The following EXOSC9 variants were observed in gnomAD, a reference collection of about 807,000 sequenced individuals.
EXOSC9 encodes the protein exosome complex component RRP45.
In EXOSC9, 38 loss-of-function variants were observed where a neutral mutation model predicts 56.5. The ratio of observed to expected loss-of-function variants is 0.67; its 90% CI spans 0.52 to 0.88. The LOEUF (loss-of-function observed/expected upper bound fraction) is 0.88. Ranked by LOEUF, EXOSC9 falls within the 40% of genes least tolerant of loss-of-function variation. The pLI, the probability that EXOSC9 is intolerant of heterozygous loss-of-function variation, is 0.00. For missense variants in EXOSC9, 559 were observed against 530.5 expected, an observed-to-expected ratio of 1.05 and a Z score of -0.53; for synonymous variants, 170 against 170.8, an observed-to-expected ratio of 0.99 and a Z score of 0.04.
chr4:121,810,913 G>T (rs1727193099), intron 7 of EXOSC9, among the ~76,000 whole-genome samples: 1 of 152,068 alleles, frequency 6.6e-6, no homozygotes, highest in Non-Finnish European at 1.5e-5. Flanking sequence ...TATGTAAAAA[G>T]ATAGTTTTAC....
chr4:121,815,509 C>T, intron 10 of EXOSC9: 1 of 983,828 alleles, frequency 1.0e-6, no homozygotes, highest in Non-Finnish European at 1.2e-6. Flanking sequence ...GGTTAATTCA[C>T]ATTTTATGTA....
chr4:121,801,489 AG>A lies in EXOSC9; in HGVS notation c.66+1del. The A allele has an allele frequency of 6.2e-7, 1 of 1,614,198 alleles. No homozygotes were observed. Among genetic ancestry groups the A allele is most frequent in the South Asian group, 1.1e-5 (1 of 91,090 alleles). On this transcript the variant is annotated frameshift_variant and splice_region_variant, in exon 1 of 12. Coordinates refer to ENST00000243498, the MANE Select transcript of EXOSC9 (RefSeq NM_005033.3). LOFTEE classifies it high-confidence loss of function. ...CTACTCCGTGCCATCGAAGAGAAGA[AG>A]GTATGGTTTGGTGCCCGCAGAATTG... The part of the protein sequence containing the change: ...RFLLRAIEEK[K>X]RLDGRQTYDY...
rs181711033 is a variant in EXOSC9 at position 121,804,936 on chromosome 4, G to C, written c.522+177G>C. Among the ~76,000 whole-genome samples, 3 of 152,180 alleles carry C rather than the reference G, an allele frequency of 2.0e-5. No individual in the cohort carries two copies. In the South Asian group the frequency reaches 6.2e-4, roughly 31 times the overall value. On this transcript the variant is annotated intron_variant, in intron 5 of 11. Coordinates refer to ENST00000243498, the MANE Select transcript of EXOSC9 (RefSeq NM_005033.3). ...AAATTGCCCTGGAAATCTCTTAACC[G>C]TTCCTCTGTTGAAACATTTGTCAGT...
At chr4:121,814,068 C>T in intron 10 of EXOSC9, 21 bp downstream of exon 10, 18 of 1,278,582 alleles carry the variant, frequency 1.4e-5, no homozygotes, top group Non-Finnish European at 1.7e-5. Context: ...CTTTATGGCA[C>T]ACTTACTATA....
chr4:121,814,016 T>C lies in EXOSC9; in HGVS notation c.1125T>C (p.Thr375=). ...AIILDGIKMD[T]GVEVSDIGSQ... ...TTCTTGATGGTATAAAAATGGACAC[T>C]GGAGTAGAAGTCTCTGATATTGGAA... Residue 375 remains threonine, a synonymous_variant, in exon 10 of 12, where the codon ACT becomes ACC. Transcript: ENST00000243498. 1 of 1,613,566 alleles carries C rather than the reference T, an allele frequency of 6.2e-7. No homozygotes were observed. The highest frequency in any genetic ancestry group is 8.5e-7 in the Non-Finnish European group (1 of 1,179,662).
Position 121,804,778 on chromosome 4 carries a change from C to T in EXOSC9, c.522+19C>T, listed in dbSNP as rs369656640. ...AACACTGGTAAGCTCCTATGTGAAC[C>T]AGGATCCTTGATATGAATGAATGAG... On this transcript the variant is annotated intron_variant, in intron 5 of 11. Coordinates refer to ENST00000243498, the MANE Select transcript of EXOSC9 (RefSeq NM_005033.3). 16 of 1,560,596 alleles carry T rather than the reference C, an allele frequency of 1.0e-5. No homozygotes were observed. Among genetic ancestry groups the T allele is most frequent in the African/African-American group, 1.4e-5 (1 of 73,786 alleles).
rs1364652447 is a variant in EXOSC9, at chr4:121,801,503, G to T, written c.66+13G>T. The T allele has an allele frequency of 6.2e-7, 1 of 1,613,742 alleles. No homozygotes were observed. The highest frequency in any genetic ancestry group is 8.5e-7 in the Non-Finnish European group (1 of 1,179,714). ...CGAAGAGAAGAAGGTATGGTTTGGT[G>T]CCCGCAGAATTGCGCGCTGCGTGGG... On this transcript the variant is annotated intron_variant, in intron 1 of 11. Transcript: ENST00000243498.
At chr4:121,810,382 A>T (rs78954333) in intron 7 of EXOSC9, among the ~76,000 whole-genome samples, 2 of 7,320 alleles carry the variant, frequency 2.7e-4, no homozygotes, top group Non-Finnish European at 4.1e-4. Flanking sequence ...ATCCCTATTA[A>T]AAAAAAAAAA....
chr4:121,813,648 CTT>C lies in EXOSC9; in HGVS notation c.975-217_975-216del. 7 of 533,234 alleles carry C rather than the reference CTT, an allele frequency of 1.3e-5. No individual in the cohort carries two copies. The South Asian group carries it at 2.2e-4, about 17-fold the overall frequency. The allele number at this position is 533,234 out of a possible 1,614,324, so 33.0% of individuals were successfully genotyped here. The stretch of plus-strand genomic sequence containing the variant: ...ACTAAAATGTTGAGAGAATCTGTCT[CTT>C]CACATTTCTTATTAATTGCATCCAT... On this transcript the variant is annotated intron_variant, in intron 9 of 11. Transcript: ENST00000243498.
chr4:121,808,275 G>T (rs1412232352), intron 6 of EXOSC9, among the ~76,000 whole-genome samples: 2 of 152,166 alleles, frequency 1.3e-5, no homozygotes, highest in Non-Finnish European at 2.9e-5. Flanking sequence ...AAGTTTTAGT[G>T]ATTGTAAGTG....
Position 121,801,447 on chromosome 4 carries a change from A to G in EXOSC9, c.23A>G (p.Asn8Ser). The G allele has an allele frequency of 1.9e-6, 3 of 1,614,150 alleles. No homozygotes were observed. Among genetic ancestry groups the G allele is most frequent in the Non-Finnish European group, 2.5e-6 (3 of 1,180,002 alleles). Residue 8 changes from asparagine to serine, a missense_variant, in exon 1 of 12, where the codon AAC (asparagine) becomes AGC (serine). Physicochemically the swap from Asn to Ser is conservative, Grantham distance 46 (BLOSUM62 1). Coordinates refer to ENST00000243498, the MANE Select transcript of EXOSC9 (RefSeq NM_005033.3). Reference protein sequence around the residue: MKETPLSNCERRFLLRAI... With the variant: MKETPLSSCERRFLLRAI... ...ACCATGAAGGAAACGCCACTCTCAAACTGCGAACGCCGCTTCCTACTCCGT... is the reference window on the plus strand; with the variant it reads ...ACCATGAAGGAAACGCCACTCTCAAGCTGCGAACGCCGCTTCCTACTCCGT...
Position 121,816,192 on chromosome 4 carries a change from CA to C in EXOSC9, c.1157-176del, listed in dbSNP as rs1453864069. The C allele has an allele frequency of 2.0e-5, 13 of 644,608 alleles. No homozygotes were observed. In the African/African-American group the frequency reaches 2.4e-4, roughly 12 times the overall value. The allele number at this position is 644,608 out of a possible 1,614,324, so 39.9% of individuals were successfully genotyped here. On this transcript the variant is annotated intron_variant, in intron 10 of 11. Transcript: ENST00000243498. ...CAGACTGGACTCGAGTTCCTGACCTCAGGTAATCCACCTGCCTCAGCCTACC... is the reference window on the plus strand; with the variant it reads ...CAGACTGGACTCGAGTTCCTGACCTCGGTAATCCACCTGCCTCAGCCTACC...
rs184115873 is a variant in EXOSC9 at position 121,802,866 on chromosome 4, C to T, written c.282-49C>T. The T allele has an allele frequency of 2.1e-4, 346 of 1,609,484 alleles. No individual in the cohort carries two copies. In the African/African-American group the frequency reaches 3.8e-3, roughly 18 times the overall value. ...CAGCAGTGAGCTTTTGTTTTAATACCTGGTGTTATATTTCATGACATTAGC... is the reference window on the plus strand; with the variant it reads ...CAGCAGTGAGCTTTTGTTTTAATACTTGGTGTTATATTTCATGACATTAGC... On this transcript the variant is annotated intron_variant, in intron 3 of 11. Transcript: ENST00000243498.
Position 121,801,850 on chromosome 4 carries a change from T to C in EXOSC9, c.90T>C (p.Tyr30=), listed in dbSNP as rs1726876718. Residue 30 remains tyrosine, a synonymous_variant, in exon 2 of 12, where the codon TAT becomes TAC. Coordinates refer to ENST00000243498, the MANE Select transcript of EXOSC9 (RefSeq NM_005033.3). The part of the protein sequence containing the change: ...EKKRLDGRQT[Y]DYRNIRISFG... ...AGCGGCTGGATGGCAGACAAACCTA[T>C]GATTATAGGAACATCAGGATCTCAT... 3 of 1,613,912 alleles carry C rather than the reference T, an allele frequency of 1.9e-6. No individual in the cohort carries two copies. The East Asian group carries it at 6.7e-5, about 36-fold the overall frequency.
intron 5 of EXOSC9, 48 bp from the exon 6 acceptor site, chr4:121,807,492 G>T (rs1423035136): frequency 8.5e-7 from 1 of 1,182,098 alleles, no homozygotes; most frequent in Admixed American, 1.9e-5. Context: ...TTTTTTGGAT[G>T]TTCATAACTT....
intron 5 of EXOSC9, among the ~76,000 whole-genome samples, chr4:121,805,472 A>G (rs1042020680): frequency 1.3e-5 from 2 of 152,258 alleles, no homozygotes; most frequent in African/African-American, 4.8e-5. Context: ...AAAAGGACAC[A>G]TCAGATGCCC....
chr4:121,806,757 C>A (rs148574401), intron 5 of EXOSC9, among the ~76,000 whole-genome samples: 13 of 151,990 alleles, frequency 8.6e-5, no homozygotes, highest in African/African-American at 2.9e-4. Flanking sequence ...CAAAACATTA[C>A]AACTTTTTTT....
At chr4:121,810,817 C>T (rs1026149868) in intron 7 of EXOSC9, among the ~76,000 whole-genome samples, 1 of 152,182 alleles carries the variant, frequency 6.6e-6, no homozygotes, top group Middle Eastern at 3.4e-3. Context: ...GAGCTGAGAT[C>T]GTGTCACTGC....
Position 121,816,356 on chromosome 4 carries a change from T to TA in EXOSC9, c.1157-6dup, listed in dbSNP as rs762399434. The TA allele has an allele frequency of 3.6e-6, 5 of 1,382,126 alleles. No individual in the cohort carries two copies. Among genetic ancestry groups the TA allele is most frequent in the African/African-American group, 1.5e-5 (1 of 66,576 alleles). 85.6% of individuals were successfully genotyped at this position (1,382,126 alleles called of 1,614,324 possible). A position where few individuals can be genotyped will look rare whatever the true frequency, so the allele number is the denominator to read the frequency against. ...ACTTTTTTTTTTTTTTTTAAATTAA[T>TA]AAAAAAACAAAGATGCTCCCATAAT... On this transcript the variant is annotated splice_polypyrimidine_tract_variant and intron_variant, in intron 10 of 11. Transcript: ENST00000243498.
Sources: allele counts gnomAD v4.1 joint callset (sites outside exome capture counted in the v4.1 genomes callset), GRCh38; gene constraint gnomAD v4.1.1; transcripts MANE v1.5; gene names NCBI Gene and HGNC (gene_info 2026-07-23, HGNC 2026-07-21).